NCAM2: variants seen among roughly 807,000 people sequenced by gnomAD.
NCAM2 encodes the protein neural cell adhesion molecule 2.
In NCAM2, 30 loss-of-function variants were observed where a neutral mutation model predicts 98.1. The ratio of observed to expected loss-of-function variants is 0.31; its 90% CI spans 0.23 to 0.41. The LOEUF (loss-of-function observed/expected upper bound fraction) is 0.41, where lower values mean the gene tolerates loss of function less well. Ranked by LOEUF, NCAM2 falls within the 10% of genes least tolerant of loss-of-function variation. The pLI is 1.00. For missense variants in NCAM2, 867 were observed against 1,005.8 expected, an observed-to-expected ratio of 0.86 and a Z score of 1.87; for synonymous variants, 368 against 342.4, an observed-to-expected ratio of 1.07 and a Z score of -0.83.
chr21:21,421,695 AT>A (rs2145973407), intron 11 of NCAM2, among the ~76,000 whole-genome samples: 1 of 152,270 alleles, frequency 6.6e-6, no homozygotes, highest in Non-Finnish European at 1.5e-5. Context: ...AAAATTAAAT[AT>A]TTCCTAATAT....
In NCAM2 at chr21:21,327,975, A is replaced by G. The variant is rs889832164; in HGVS notation, c.737+3475A>G. Among the ~76,000 whole-genome samples, 3 of 152,180 alleles carry G rather than the reference A, an allele frequency of 2.0e-5. No individual in the cohort carries two copies. In the East Asian group the frequency reaches 5.8e-4, roughly 29 times the overall value. On this transcript the variant is annotated intron_variant, in intron 6 of 17. Coordinates refer to ENST00000400546, the MANE Select transcript of NCAM2 (RefSeq NM_004540.5). ...TCATTTTCGTTCAAACGGTACTTCT[A>G]TATTGAGAATACAATATGGATTTTT...
At chr21:21,305,312 T>C (rs898043909) in intron 5 of NCAM2, among the ~76,000 whole-genome samples, 11 of 152,092 alleles carry the variant, frequency 7.2e-5, no homozygotes, top group Non-Finnish European at 1.2e-4. Context: ...AGCAAGACTT[T>C]GTCTCAAATA....
intron 1 of NCAM2, among the ~76,000 whole-genome samples, chr21:21,153,531 G>T (rs767449991): frequency 6.6e-6 from 1 of 151,944 alleles, no homozygotes; most frequent in South Asian, 2.1e-4. Flanking sequence ...TTAAATGAAC[G>T]TTTGGAGGAG....
intron 9 of NCAM2, among the ~76,000 whole-genome samples, chr21:21,394,508 A>G (rs2076456788): frequency 6.6e-5 from 2 of 30,192 alleles, no homozygotes; most frequent in Admixed American, 4.8e-4. Flanking sequence ...TTTTTTTTTG[A>G]GACAGAGTTG....
chr21:21,370,442 T>A (rs2075890237), intron 8 of NCAM2, among the ~76,000 whole-genome samples: 1 of 151,874 alleles, frequency 6.6e-6, no homozygotes, highest in Non-Finnish European at 1.5e-5. Flanking sequence ...TGTTTTGGTG[T>A]TTGAAATCCT....
chr21:21,206,406 C>G (rs570374784), intron 1 of NCAM2, among the ~76,000 whole-genome samples: 2 of 152,214 alleles, frequency 1.3e-5, no homozygotes, highest in East Asian at 3.9e-4. Flanking sequence ...AAAGTAGATT[C>G]ACCTAATTAT....
intron 1 of NCAM2, among the ~76,000 whole-genome samples, chr21:21,006,111 T>A (rs2064108635): frequency 6.6e-6 from 1 of 152,206 alleles, no homozygotes; most frequent in South Asian, 2.1e-4. Flanking sequence ...ACATTTAAGA[T>A]ATGATTCGGT....
intron 1 of NCAM2, among the ~76,000 whole-genome samples, chr21:21,187,093 G>T (rs2068664103): frequency 6.6e-6 from 1 of 151,912 alleles, no homozygotes; most frequent in Non-Finnish European, 1.5e-5. Context: ...AGCCAGGTGT[G>T]GTGGTTTGTG....
intron 1 of NCAM2, among the ~76,000 whole-genome samples, chr21:21,173,786 A>AT (rs1234147784): frequency 6.6e-6 from 1 of 152,170 alleles, no homozygotes; most frequent in Non-Finnish European, 1.5e-5. Context: ...CATATATGTC[A>AT]TTTTTTATCA....
intron 8 of NCAM2, among the ~76,000 whole-genome samples, chr21:21,366,169 A>G (rs914270252): frequency 6.6e-6 from 1 of 151,982 alleles, no homozygotes; most frequent in South Asian, 2.1e-4. Context: ...ACTTTGGGAG[A>G]TTTACGTAAA....
intron 12 of NCAM2, among the ~76,000 whole-genome samples, chr21:21,461,793 G>C (rs1160537939): frequency 6.6e-6 from 1 of 151,832 alleles, no homozygotes; most frequent in East Asian, 1.9e-4. Context: ...GTAAATTTCA[G>C]AAGTAAGTGA....
intron 16 of NCAM2, among the ~76,000 whole-genome samples, chr21:21,524,130 A>G (rs1203700248): frequency 6.6e-6 from 1 of 152,114 alleles, no homozygotes; most frequent in Non-Finnish European, 1.5e-5. Context: ...CATGAATCAA[A>G]TGAAAGCAGG....
At chr21:21,262,768 C>T (rs1042952664) in intron 1 of NCAM2, among the ~76,000 whole-genome samples, 2 of 150,186 alleles carry the variant, frequency 1.3e-5, no homozygotes, top group Admixed American at 1.3e-4. Context: ...GGGCAATTAA[C>T]AAAATAAAGA....
intron 1 of NCAM2, among the ~76,000 whole-genome samples, chr21:21,173,846 C>T (rs2068197491): frequency 2.0e-5 from 3 of 152,126 alleles, no homozygotes; most frequent in African/African-American, 7.2e-5. Context: ...TTCTGTGTGG[C>T]ATAATTAGCA....
In NCAM2 at chr21:21,444,881, G is replaced by A. The variant is rs188584104; in HGVS notation, c.1654+12600G>A. Among the ~76,000 whole-genome samples, 4 of 151,886 alleles carry A rather than the reference G, an allele frequency of 2.6e-5. No individual in the cohort carries two copies. The East Asian group carries it at 7.8e-4, about 29-fold the overall frequency. Reference sequence around the variant, plus strand: ...ATTTCTTGTCTTCTGCTAGCTTTGTGGTTAGTTTGCTCTTGCTTCTCTAGC... The same window carrying A: ...ATTTCTTGTCTTCTGCTAGCTTTGTAGTTAGTTTGCTCTTGCTTCTCTAGC... On this transcript the variant is annotated intron_variant, in intron 12 of 17. Transcript: ENST00000400546.
intron 10 of NCAM2, among the ~76,000 whole-genome samples, chr21:21,416,557 A>G (rs1293551719): frequency 1.3e-5 from 2 of 152,130 alleles, no homozygotes; most frequent in African/African-American, 2.4e-5. Flanking sequence ...GTAAGACACA[A>G]TAAAACAGGT....
At chr21:21,453,934 AG>A (rs1006159061) in intron 12 of NCAM2, among the ~76,000 whole-genome samples, 1 of 152,040 alleles carries the variant, frequency 6.6e-6, no homozygotes, top group Non-Finnish European at 1.5e-5. Context: ...TGAAATACAG[AG>A]GTCTACAATG....
intron 1 of NCAM2, among the ~76,000 whole-genome samples, chr21:21,181,045 A>G (rs1367705851): frequency 1.3e-5 from 2 of 152,154 alleles, no homozygotes; most frequent in African/African-American, 2.4e-5. Flanking sequence ...GCTGAAAACA[A>G]GCTATATTCT....
At chr21:21,349,668 G>A (rs2075282812) in intron 8 of NCAM2, among the ~76,000 whole-genome samples, 2 of 152,070 alleles carry the variant, frequency 1.3e-5, no homozygotes, top group African/African-American at 2.4e-5. Context: ...ACTAAGATTT[G>A]GAAGCAACCT....
Sources: gnomAD v4.1 joint callset for allele counts (sites outside exome capture counted in the v4.1 genomes callset) on GRCh38, gnomAD v4.1.1 for gene constraint, MANE v1.5 for transcripts, NCBI Gene and HGNC (gene_info 2026-07-23, HGNC 2026-07-21) for gene names.